The following ADGRD1 variants were observed in gnomAD, a reference collection of about 807,000 sequenced individuals.
The protein encoded by ADGRD1 is adhesion G protein-coupled receptor D1, also known as G-protein coupled receptor 133.
In ADGRD1, 77 loss-of-function variants were observed where a neutral mutation model predicts 113.4. The observed-to-expected ratio is 0.68, with a 90% CI of 0.57 to 0.82. The LOEUF is 0.82. Ranked by LOEUF, ADGRD1 falls within the 40% of genes least tolerant of loss-of-function variation. ADGRD1 has a pLI of 0.00. For synonymous variants in ADGRD1, 474 were observed against 475.0 expected, an observed-to-expected ratio of 1.00 and a Z score of 0.03; for missense variants, 1,036 against 1,139.1, an observed-to-expected ratio of 0.91 and a Z score of 1.30.
rs117220720 is a variant in ADGRD1 at position 130,958,725 on chromosome 12, A to C, written c.103+4065A>C. Reference sequence around the variant, plus strand: ...CGCTCATGACGGGCACGGGCGTCACAAACACACCAACAGAAACAACCTGTT... The same window carrying C: ...CGCTCATGACGGGCACGGGCGTCACCAACACACCAACAGAAACAACCTGTT... On this transcript the variant is annotated intron_variant, in intron 2 of 24. Transcript: ENST00000261654. 1.9e-4 allele frequency among the ~76,000 whole-genome samples: 29 copies of C among 152,328 alleles called. 1 individual carries two copies. The East Asian group carries it at 5.0e-3, about 26-fold the overall frequency.
At chr12:131,128,339 G>A (rs1950799702) in intron 20 of ADGRD1, among the ~76,000 whole-genome samples, 1 of 151,928 alleles carries the variant, frequency 6.6e-6, no homozygotes, top group African/African-American at 2.4e-5. Flanking sequence ...CAAGTTGCTC[G>A]AGATCCTCTC....
rs768130219 is a variant in ADGRD1, at chr12:131,003,157, A to G, written c.1027-28A>G. ...CCCTGGCTGAGTGGGGTGGATTTTC[A>G]TGGCTCCTGGTGCTTGTGTTGCTGC... On this transcript the variant is annotated intron_variant, in intron 9 of 24. Coordinates refer to ENST00000261654, the MANE Select transcript of ADGRD1 (RefSeq NM_198827.5). This position sits in a 1 kb window ranked among gnomAD's most constrained non-coding sequence, Gnocchi z 4.8. 6.4e-7 allele frequency: 1 copy of G among 1,567,780 alleles called. No individual in the cohort carries two copies. The highest frequency in any genetic ancestry group is 2.2e-5 in the East Asian group (1 of 44,536).
At position 131,035,185 on chromosome 12, in the gene ADGRD1, G is replaced by C. The variant is rs1881243052; in HGVS notation, c.1473+20845G>C. ...AGAGCACTCTCCTCCTCCCCTTCCT[G>C]GTCGCTCCTGGTCGTCGTCCTGTCT... On this transcript the variant is annotated intron_variant, in intron 13 of 24. Transcript: ENST00000261654. 2.6e-5 allele frequency: 4 copies of C among 152,890 alleles called. No homozygotes were observed. In the Admixed American group the frequency reaches 2.6e-4, roughly 10 times the overall value. 9.5% of individuals were successfully genotyped at this position (152,890 alleles called of 1,614,324 possible).
intron 13 of ADGRD1, among the ~76,000 whole-genome samples, chr12:131,029,603 G>C (rs1880388343): frequency 6.8e-6 from 1 of 147,508 alleles, no homozygotes; most frequent in Non-Finnish European, 1.5e-5. Flanking sequence ...ACATTCCCAG[G>C]CTCTGGGGTT....
chr12:131,043,750 G>C (rs760037620), intron 13 of ADGRD1, among the ~76,000 whole-genome samples: 1 of 152,190 alleles, frequency 6.6e-6, no homozygotes, highest in Non-Finnish European at 1.5e-5. Context: ...GGGCTCGTGC[G>C]GCTGGGGAGC....
intron 13 of ADGRD1, among the ~76,000 whole-genome samples, chr12:131,042,894 C>T (rs553455569): frequency 4.0e-4 from 61 of 152,372 alleles, no homozygotes; most frequent in Non-Finnish European, 7.9e-4. Context: ...CTAGGGCCTG[C>T]GGGCACAGCT....
At chr12:131,102,250 G>T (rs374268471) in intron 15 of ADGRD1, among the ~76,000 whole-genome samples, 1 of 152,220 alleles carries the variant, frequency 6.6e-6, no homozygotes, top group African/African-American at 2.4e-5. Flanking sequence ...TTCACCCACC[G>T]CGGCTATGCG....
rs554804699 is a variant in ADGRD1 at position 131,117,593 on chromosome 12, A to C, written c.2042-792A>C. On this transcript the variant is annotated intron_variant, in intron 18 of 24. Transcript: ENST00000261654. ...TTGATTGAGTCTCATTGGGCCAGCC[A>C]GGGTCACATGCCCATCTTTGAACCA... is the stretch of plus-strand genomic sequence containing the variant. Among the ~76,000 whole-genome samples, 6 of 152,270 alleles carry C rather than the reference A, an allele frequency of 3.9e-5. No individual in the cohort carries two copies. In the East Asian group the frequency reaches 1.2e-3, roughly 29 times the overall value.
chr12:131,135,052 C>T lies in ADGRD1; in HGVS notation c.2268-985C>T, dbSNP rs561272652. ...TCTCTAAAGCTCAAAGGCAGAAGGT[C>T]CCTGCTGTGGAAAGCCCAGCTGTTT... On this transcript the variant is annotated intron_variant, in intron 21 of 24. Coordinates refer to ENST00000261654, the MANE Select transcript of ADGRD1 (RefSeq NM_198827.5). 8.3e-4 allele frequency among the ~76,000 whole-genome samples: 126 copies of T among 152,334 alleles called. 1 individual carries two copies. The highest frequency in any genetic ancestry group is 1.7e-3 in the Non-Finnish European group (115 of 68,030).
chr12:131,029,783 C>T (rs959207317), intron 13 of ADGRD1, among the ~76,000 whole-genome samples: 2 of 149,886 alleles, frequency 1.3e-5, no homozygotes, highest in Non-Finnish European at 3.0e-5. Context: ...CATTCCCAGG[C>T]TCTGGGGTTA....
intron 8 of ADGRD1, among the ~76,000 whole-genome samples, chr12:130,996,995 T>C (rs1322439657): frequency 2.2e-5 from 3 of 134,634 alleles, no homozygotes; most frequent in Admixed American, 7.1e-5. Context: ...ATGGGGCGGC[T>C]GGCCAGGCGG....
chr12:131,131,583 T>G, intron 20 of ADGRD1, 142 bp from the exon 21 acceptor site: 1 of 622,640 alleles, frequency 1.6e-6, no homozygotes, highest in Middle Eastern at 3.9e-4. Flanking sequence ...CAGGGTGAGA[T>G]TTGTCCCAGT....
intron 18 of ADGRD1, among the ~76,000 whole-genome samples, chr12:131,117,567 CTTGA>C (rs1346386714): frequency 6.6e-6 from 1 of 152,116 alleles, no homozygotes; most frequent in Non-Finnish European, 1.5e-5. Flanking sequence ...GAAGAAAGCC[CTTGA>C]TTGAGTCTCA....
chr12:131,132,365 C>T (rs1273646892), intron 21 of ADGRD1, among the ~76,000 whole-genome samples: 1 of 152,174 alleles, frequency 6.6e-6, no homozygotes, highest in Non-Finnish European at 1.5e-5. Context: ...TCACTGCCAT[C>T]GGGGGTGTCC....
In ADGRD1 at chr12:131,138,421, G is replaced by A. The variant is rs147417170; in HGVS notation, c.2529+192G>A. Among the ~76,000 whole-genome samples the A allele has an allele frequency of 4.9e-3, 745 of 152,294 alleles. 8 individuals are homozygous for A. Among genetic ancestry groups the A allele is most frequent in the African/African-American group, 0.017 (697 of 41,568 alleles). ...ACACAGTGCCCTGTGTCCTGATGAAGTCACCACAGCCCTACCCCTTGACCC... is the reference window on the plus strand; with the variant it reads ...ACACAGTGCCCTGTGTCCTGATGAAATCACCACAGCCCTACCCCTTGACCC... On this transcript the variant is annotated intron_variant, in intron 24 of 24. Coordinates refer to ENST00000261654, the MANE Select transcript of ADGRD1 (RefSeq NM_198827.5).
At chr12:130,996,525 CG>C (rs1807302157) in intron 8 of ADGRD1, among the ~76,000 whole-genome samples, 1 of 117,472 alleles carries the variant, frequency 8.5e-6, no homozygotes, top group South Asian at 3.0e-4. Context: ...GCTGGCCGGG[CG>C]GGGGGCTGAC....
chr12:131,048,994 A>G (rs563746884), intron 13 of ADGRD1, among the ~76,000 whole-genome samples: 2 of 152,210 alleles, frequency 1.3e-5, no homozygotes, highest in Non-Finnish European at 2.9e-5. Context: ...AGAGAGAGAG[A>G]GGGTGAGAAT....
chr12:131,008,019 T>G (rs1425067100), intron 12 of ADGRD1, among the ~76,000 whole-genome samples: 2 of 152,222 alleles, frequency 1.3e-5, no homozygotes, highest in African/African-American at 4.8e-5. Flanking sequence ...GGTGCCCTCC[T>G]TATCTGTGTG....
intron 2 of ADGRD1, chr12:130,962,366 G>A (rs1432371847): frequency 6.6e-6 from 1 of 152,164 alleles, no homozygotes; most frequent in African/African-American, 2.4e-5. Context: ...GACTGATTGT[G>A]GCCATTTGTA....
Sources: allele counts gnomAD v4.1 joint callset (sites outside exome capture counted in the v4.1 genomes callset), GRCh38; gene constraint gnomAD v4.1.1; non-coding constraint Gnocchi (gnomAD v3.1); transcripts MANE v1.5; gene names NCBI Gene and HGNC (gene_info 2026-07-23, HGNC 2026-07-21).